Variants in SH3RF2 observed in about 807,000 individuals in gnomAD.
SH3RF2 encodes SH3 domain containing ring finger 2.
SH3RF2 carries 43 observed loss-of-function variants against 59.0 expected under a neutral mutation model. The observed-to-expected ratio is 0.73, with a 90% CI of 0.57 to 0.94. The LOEUF (loss-of-function observed/expected upper bound fraction) is 0.94, where lower values mean the gene tolerates loss of function less well. SH3RF2 is among the 40% of genes least tolerant of loss of function. SH3RF2 has a pLI of 0.00. For synonymous variants in SH3RF2, 391 were observed against 391.5 expected (o/e 1.00, Z 0.01); for missense variants, 930 against 940.1 (o/e 0.99, Z 0.14).
intron 2 of SH3RF2, among the ~76,000 whole-genome samples, chr5:145,976,415 T>C (rs559386177): frequency 3.3e-5 from 5 of 151,008 alleles, no homozygotes; most frequent in Admixed American, 3.3e-4. Flanking sequence ...TTTTATTAGC[T>C]ATTTTGCAGA....
intron 9 of SH3RF2, among the ~76,000 whole-genome samples, chr5:146,076,313 C>T (rs1265629480): frequency 1.3e-5 from 2 of 152,118 alleles, no homozygotes; most frequent in African/African-American, 2.4e-5. Context: ...CAGATCAAAG[C>T]GGCCATCTCT....
In SH3RF2 at chr5:145,938,140, G is replaced by T; in HGVS notation, c.212G>T (p.Arg71Leu). Residue 71 changes from arginine (R) to leucine (L), a missense_variant, in exon 2 of 10, where the codon CGC becomes CTC. Physicochemically the swap from Arg to Leu is moderately radical, Grantham distance 102. Coordinates refer to ENST00000359120, the MANE Select transcript of SH3RF2 (RefSeq NM_152550.4). ...EALPANLLLVRLLDGVRSGQS... is the reference protein window; with the variant it reads ...EALPANLLLVLLLDGVRSGQS... ...CTGCCGGCCAACCTGCTGCTCGTGC[G>T]CCTTCTGGATGGAGTGCGCTCAGGG... 1.2e-6 allele frequency: 2 copies of T among 1,614,190 alleles called. No individual in the cohort carries two copies. The highest frequency in any genetic ancestry group is 1.1e-5 in the South Asian group (1 of 91,084).
chr5:145,971,363 C>T (rs775506703), intron 2 of SH3RF2, among the ~76,000 whole-genome samples: 11 of 152,196 alleles, frequency 7.2e-5, no homozygotes, highest in Non-Finnish European at 1.3e-4. Context: ...GTTCTGGTTA[C>T]TGGAGCTAGT....
intron 7 of SH3RF2, among the ~76,000 whole-genome samples, chr5:146,051,797 A>G (rs573744808): frequency 2.0e-5 from 3 of 152,202 alleles, no homozygotes; most frequent in Non-Finnish European, 4.4e-5. Context: ...CAGCCTTGAG[A>G]TGCTATTTAA....
intron 2 of SH3RF2, among the ~76,000 whole-genome samples, chr5:145,972,779 C>T (rs1759138162): frequency 6.6e-6 from 1 of 152,104 alleles, no homozygotes; most frequent in Admixed American, 6.5e-5. Context: ...AGTCATATGG[C>T]TTATTTGGTA....
At chr5:146,053,348 A>G in intron 7 of SH3RF2, among the ~76,000 whole-genome samples, 1 of 151,958 alleles carries the variant, frequency 6.6e-6, no homozygotes, top group East Asian at 1.9e-4. Flanking sequence ...TCAAGTTTTC[A>G]TCTGTCCAGC....
chr5:145,940,269 C>A (rs1757768156), intron 2 of SH3RF2, among the ~76,000 whole-genome samples: 1 of 152,148 alleles, frequency 6.6e-6, no homozygotes, highest in Admixed American at 6.5e-5. Context: ...GAGCTGGCAC[C>A]CCCACTTCCC....
At chr5:145,954,840 G>A (rs1260942873) in intron 2 of SH3RF2, among the ~76,000 whole-genome samples, 1 of 152,068 alleles carries the variant, frequency 6.6e-6, no homozygotes. Flanking sequence ...GAACAGACAT[G>A]TCACATAGTG....
In SH3RF2 at chr5:146,060,214, G is replaced by T. The variant is rs750003365; in HGVS notation, c.1904G>T (p.Gly635Val). The change falls in exon 9 of 10, where the codon GGC becomes GTC. Residue 635 changes from glycine (G) to valine (V), a missense_variant. Gly to Val is a moderately radical substitution (Grantham distance 109). Transcript: ENST00000359120. ...ILVKPENSRN[G>V]IEKQVKTVRF... ...GTGAAACCAGAAAACTCAAGAAATGGCATCGAAAAGGTAGGATCAGAGTGA... is the reference window on the plus strand; with the variant it reads ...GTGAAACCAGAAAACTCAAGAAATGTCATCGAAAAGGTAGGATCAGAGTGA... The T allele has an allele frequency of 6.2e-7, 1 of 1,606,334 alleles. No homozygotes were observed.
At chr5:146,018,761 G>A (rs527891412) in intron 5 of SH3RF2, among the ~76,000 whole-genome samples, 4 of 152,156 alleles carry the variant, frequency 2.6e-5, no homozygotes, top group Middle Eastern at 3.4e-3. Context: ...GTGTTTAAGC[G>A]CTCCCTTTTC....
downstream of SH3RF2, among the ~76,000 whole-genome samples, chr5:146,065,945 C>CA (rs1763093802): frequency 6.6e-6 from 1 of 152,250 alleles, no homozygotes; most frequent in African/African-American, 2.4e-5. Context: ...CGTGAGCCAC[C>CA]ACACCCAGCC....
chr5:145,957,645 A>G (rs1758465847), intron 2 of SH3RF2, among the ~76,000 whole-genome samples: 1 of 152,236 alleles, frequency 6.6e-6, no homozygotes, highest in Non-Finnish European at 1.5e-5. Flanking sequence ...AGCAAGAGAC[A>G]AACCTGGATT....
intron 2 of SH3RF2, among the ~76,000 whole-genome samples, chr5:145,949,722 G>A (rs1758123610): frequency 6.6e-6 from 1 of 152,186 alleles, no homozygotes; most frequent in African/African-American, 2.4e-5. Context: ...CTATTGAGAG[G>A]TGATTAAAAA....
At chr5:146,034,549 G>A (rs188335780) in intron 5 of SH3RF2, among the ~76,000 whole-genome samples, 52 of 152,312 alleles carry the variant, frequency 3.4e-4, no homozygotes, top group African/African-American at 1.2e-3. Flanking sequence ...AGATCACTGA[G>A]CCTGTCTCAC....
Position 145,962,649 on chromosome 5 carries a change from G to A in SH3RF2, c.378+24343G>A, listed in dbSNP as rs551242788. ...CCCTTCTATATCTTATGTATGCATG[G>A]TTTTGCCTTAGGCCGTCCTTCTTTC... is the stretch of plus-strand genomic sequence containing the variant. On this transcript the variant is annotated intron_variant, in intron 2 of 9. Coordinates refer to ENST00000359120, the MANE Select transcript of SH3RF2 (RefSeq NM_152550.4). Among the ~76,000 whole-genome samples, 4 of 152,124 alleles carry A rather than the reference G, an allele frequency of 2.6e-5. No homozygotes were observed. The East Asian group carries it at 5.8e-4, about 22-fold the overall frequency.
At chr5:145,980,392 C>T (rs1455488148) in intron 2 of SH3RF2, among the ~76,000 whole-genome samples, 3 of 152,164 alleles carry the variant, frequency 2.0e-5, no homozygotes, top group Non-Finnish European at 4.4e-5. Flanking sequence ...TAACCTGAGA[C>T]TAGATCATGA....
In SH3RF2 at chr5:146,047,863, T is replaced by C. The variant is rs947854486; in HGVS notation, c.1151T>C (p.Met384Thr). 1.2e-6 allele frequency: 2 copies of C among 1,613,892 alleles called. No homozygotes were observed. Among genetic ancestry groups the C allele is most frequent in the African/African-American group, 2.7e-5 (2 of 75,008 alleles). Reference protein sequence around the residue: ...PGSQQHLSANMFVALHSYSAH... With the variant: ...PGSQQHLSANTFVALHSYSAH... ...TCCCAGCAACACCTCTCAGCGAACA[T>C]GTGAGTAAAAGGCTCATCCCTTCAC... The change falls in exon 6 of 10, where the codon ATG (methionine) becomes ACG (threonine). Residue 384 changes from methionine to threonine, a missense_variant and splice_region_variant. Coordinates refer to ENST00000359120, the MANE Select transcript of SH3RF2 (RefSeq NM_152550.4).
At chr5:146,035,199 G>T (rs1217800878) in intron 5 of SH3RF2, among the ~76,000 whole-genome samples, 1 of 151,674 alleles carries the variant, frequency 6.6e-6, no homozygotes, top group African/African-American at 2.4e-5. Flanking sequence ...AATGTTCGTT[G>T]TTGTCGCTGT....
intron 7 of SH3RF2, among the ~76,000 whole-genome samples, chr5:146,052,026 G>A (rs1762517916): frequency 6.6e-6 from 1 of 152,160 alleles, no homozygotes; most frequent in African/African-American, 2.4e-5. Flanking sequence ...ACAGTGAGGA[G>A]CAAGGAGGAT....
Sources: allele counts gnomAD v4.1 joint callset (sites outside exome capture counted in the v4.1 genomes callset), GRCh38; gene constraint gnomAD v4.1.1; transcripts MANE v1.5; gene names NCBI Gene and HGNC (gene_info 2026-07-23, HGNC 2026-07-21).